Variants in EXT1 observed in about 807,000 individuals in gnomAD.
The protein encoded by EXT1 is exostosin-1.
In EXT1, 20 loss-of-function variants were observed where a neutral mutation model predicts 82.5. The ratio of observed to expected loss-of-function variants is 0.24; its 90% CI spans 0.17 to 0.35. EXT1 has a LOEUF of 0.35. Ranked by LOEUF, EXT1 falls within the 10% of genes least tolerant of loss-of-function variation. The pLI is 1.00. For synonymous variants in EXT1, 348 were observed against 350.8 expected, an observed-to-expected ratio of 0.99 and a Z score of 0.09; for missense variants, 757 against 936.5, an observed-to-expected ratio of 0.81 and a Z score of 2.50.
rs989096346 is a variant in EXT1 at position 118,111,378 on chromosome 8, A to G, written c.-332T>C. The G allele has an allele frequency of 3.4e-5, 19 of 551,250 alleles. No individual in the cohort carries two copies. Among genetic ancestry groups the G allele is most frequent in the Non-Finnish European group, 5.1e-5 (16 of 312,388 alleles). 34.1% of individuals were successfully genotyped at this position (551,250 alleles called of 1,614,324 possible). A position where few individuals can be genotyped will look rare whatever the true frequency, so the allele number is the denominator to read the frequency against. ...GGAGGAAAAGAAAGAGAGAGGGGAGAAAAAAAAAGCTCCCGATACCCAATC... is the reference window on the plus strand; with the variant it reads ...GGAGGAAAAGAAAGAGAGAGGGGAGGAAAAAAAAGCTCCCGATACCCAATC... On this transcript the variant is annotated 5_prime_UTR_variant, in exon 1 of 11. Transcript: ENST00000378204.
chr8:117,969,191 A>G (rs766328037), intron 1 of EXT1, among the ~76,000 whole-genome samples: 14 of 152,242 alleles, frequency 9.2e-5, no homozygotes, highest in Non-Finnish European at 2.1e-4. Context: ...AATGTGAACA[A>G]CTGAGATTTG....
chr8:118,033,179 A>T (rs1335288227), intron 1 of EXT1, among the ~76,000 whole-genome samples: 1 of 152,080 alleles, frequency 6.6e-6, no homozygotes, highest in Non-Finnish European at 1.5e-5. Context: ...TGATGTTGAG[A>T]CCCCTGCTTT....
chr8:118,041,920 C>G (rs1362051687), intron 1 of EXT1, among the ~76,000 whole-genome samples: 1 of 150,110 alleles, frequency 6.7e-6, no homozygotes, highest in Non-Finnish European at 1.5e-5. Context: ...TGCATTCCAG[C>G]CTGGGTGACA....
chr8:117,881,732 G>T (rs1046708598), intron 1 of EXT1, among the ~76,000 whole-genome samples: 2 of 152,166 alleles, frequency 1.3e-5, no homozygotes, highest in Non-Finnish European at 2.9e-5. Context: ...TCCCTAAAAA[G>T]AAAAGAAAAT....
At chr8:117,858,852 A>G (rs59534935) in intron 1 of EXT1, among the ~76,000 whole-genome samples, 6,319 of 29,558 alleles carry the variant, frequency 0.21, 364 homozygotes, top group East Asian at 0.25. Context: ...AAGGAAAGAA[A>G]GAAAGAAAGA....
chr8:118,070,265 T>C (rs1403228530), intron 1 of EXT1, among the ~76,000 whole-genome samples: 2 of 148,618 alleles, frequency 1.3e-5, no homozygotes, highest in Admixed American at 1.3e-4. Flanking sequence ...TGTGTGTGTG[T>C]GTGTGTGTGT....
intron 1 of EXT1, among the ~76,000 whole-genome samples, chr8:118,035,335 G>A (rs921440883): frequency 2.0e-5 from 3 of 152,060 alleles, no homozygotes; most frequent in African/African-American, 2.4e-5. Flanking sequence ...TGAAGCCACC[G>A]GAAGCCACTG....
chr8:118,029,433 A>T (rs2129874913), intron 1 of EXT1, among the ~76,000 whole-genome samples: 1 of 152,312 alleles, frequency 6.6e-6, no homozygotes, highest in South Asian at 2.1e-4. Flanking sequence ...TATTAAATAA[A>T]TTAATAAATA....
intron 1 of EXT1, among the ~76,000 whole-genome samples, chr8:117,851,616 GACACACAC>G (rs35686154): frequency 0.25 from 37,128 of 147,906 alleles, 5,043 homozygotes; most frequent in African/African-American, 0.37. Context: ...AATTTAGCTG[GACACACAC>G]ACACACACAC....
At chr8:117,851,203 G>A (rs1291716887) in intron 1 of EXT1, among the ~76,000 whole-genome samples, 1 of 151,940 alleles carries the variant, frequency 6.6e-6, no homozygotes, top group African/African-American at 2.4e-5. Context: ...ATATCCAGAT[G>A]AAAAAAAGCA....
chr8:117,999,707 G>C (rs1483023463), intron 1 of EXT1, among the ~76,000 whole-genome samples: 1 of 152,058 alleles, frequency 6.6e-6, no homozygotes, highest in Non-Finnish European at 1.5e-5. Flanking sequence ...TTAATCTGTA[G>C]GCCTTTCAGC....
At chr8:118,087,186 C>A (rs1166692827) in intron 1 of EXT1, among the ~76,000 whole-genome samples, 1 of 152,130 alleles carries the variant, frequency 6.6e-6, no homozygotes, top group Non-Finnish European at 1.5e-5. Flanking sequence ...AGCAAATACA[C>A]CTTTGAATTA....
At chr8:118,007,717 C>T (rs1443121797) in intron 1 of EXT1, among the ~76,000 whole-genome samples, 3 of 152,156 alleles carry the variant, frequency 2.0e-5, no homozygotes, top group Non-Finnish European at 4.4e-5. Flanking sequence ...TTCGCATCAC[C>T]AGATGAGAGA....
chr8:117,865,151 C>A (rs1375467065), intron 1 of EXT1, among the ~76,000 whole-genome samples: 2 of 152,210 alleles, frequency 1.3e-5, no homozygotes, highest in Non-Finnish European at 2.9e-5. Context: ...TTCACAGAGG[C>A]CAGAAGACCC....
chr8:117,840,458 C>T (rs1369001010), intron 1 of EXT1, among the ~76,000 whole-genome samples: 1 of 151,884 alleles, frequency 6.6e-6, no homozygotes, highest in Non-Finnish European at 1.5e-5. Context: ...ACTAAAAATA[C>T]AAAATTAGCT....
chr8:117,897,533 T>C (rs1813362701), intron 1 of EXT1, among the ~76,000 whole-genome samples: 1 of 151,762 alleles, frequency 6.6e-6, no homozygotes, highest in Non-Finnish European at 1.5e-5. Flanking sequence ...TTGTTTTCAA[T>C]CTCAGATTCA....
At chr8:118,059,722 C>A (rs977306452) in intron 1 of EXT1, among the ~76,000 whole-genome samples, 1 of 152,210 alleles carries the variant, frequency 6.6e-6, no homozygotes, top group Non-Finnish European at 1.5e-5. Flanking sequence ...TCCTTCAAGA[C>A]CTTTACTTCC....
chr8:118,056,957 T>C (rs1490089436), intron 1 of EXT1, among the ~76,000 whole-genome samples: 3 of 152,020 alleles, frequency 2.0e-5, no homozygotes, highest in East Asian at 3.9e-4. Context: ...CAAAAAGCCA[T>C]GGAGGTGTGA....
chr8:117,894,748 C>T (rs1011456374), intron 1 of EXT1, among the ~76,000 whole-genome samples: 6 of 152,152 alleles, frequency 3.9e-5, no homozygotes, highest in African/African-American at 1.4e-4. Flanking sequence ...GCCACCTCTG[C>T]CACTTGTAGT....
Sources: allele counts gnomAD v4.1 joint callset (sites outside exome capture counted in the v4.1 genomes callset), GRCh38; gene constraint gnomAD v4.1.1; transcripts MANE v1.5; gene names NCBI Gene and HGNC (gene_info 2026-07-23, HGNC 2026-07-21).